NDUFA9: variants seen among roughly 807,000 people sequenced by gnomAD.
NDUFA9 encodes the protein NADH:ubiquinone oxidoreductase subunit A9.
In NDUFA9, 23 loss-of-function variants were observed where a neutral mutation model predicts 45.9. The observed-to-expected ratio is 0.50, with a 90% confidence interval of 0.36 to 0.71. NDUFA9 has a LOEUF of 0.71. NDUFA9 is among the 30% of genes least tolerant of loss of function. NDUFA9 has a pLI of 0.00. For missense variants in NDUFA9, 466 were observed against 488.2 expected (o/e 0.95, Z 0.43); for synonymous variants, 176 against 170.5 (o/e 1.03, Z -0.25).
chr12:4,652,527 C>G (rs1945765660), intron 1 of NDUFA9, among the ~76,000 whole-genome samples: 1 of 152,182 alleles, frequency 6.6e-6, no homozygotes, highest in South Asian at 2.1e-4. Context: ...CTGTGGTCCT[C>G]TGTCCTCTTC....
chr12:4,678,869 T>C (rs1410636265), intron 8 of NDUFA9, among the ~76,000 whole-genome samples: 7 of 152,172 alleles, frequency 4.6e-5, no homozygotes, highest in Admixed American at 4.6e-4. Flanking sequence ...TTTGGCATCT[T>C]CTTAAAAAGT....
intron 9 of NDUFA9, among the ~76,000 whole-genome samples, chr12:4,684,652 C>G (rs1945973495): frequency 6.6e-6 from 1 of 152,166 alleles, no homozygotes; most frequent in African/African-American, 2.4e-5. Context: ...CCTGAGGTAA[C>G]TGATGATGGG....
rs1555137559 is a variant in NDUFA9, at chr12:4,692,236, C to T, written c.*5128C>T. On this transcript the variant is annotated 3_prime_UTR_variant, in exon 11 of 11. Coordinates refer to ENST00000266544, the MANE Select transcript of NDUFA9 (RefSeq NM_005002.5). ...GGGGCCTAGTGGGAGGCGATTAGATCATGGAGTAGATTTATCATGAATGAT... is the reference window on the plus strand; with the variant it reads ...GGGGCCTAGTGGGAGGCGATTAGATTATGGAGTAGATTTATCATGAATGAT... 1.3e-5 allele frequency: 2 copies of T among 152,164 alleles called. No individual in the cohort carries two copies. The highest frequency in any genetic ancestry group is 1.3e-4 in the Admixed American group (2 of 15,272). The allele number at this position is 152,164 out of a possible 1,614,324, so 9.4% of individuals were successfully genotyped here. A position where few individuals can be genotyped will look rare whatever the true frequency, so the allele number is the denominator to read the frequency against.
intron 3 of NDUFA9, chr12:4,655,192 T>G: frequency 2.9e-6 from 1 of 347,556 alleles, no homozygotes; most frequent in Non-Finnish European, 5.2e-6. Context: ...ATTACTCAGC[T>G]CTGCCCTTGT....
rs746534618 is a variant in NDUFA9, at chr12:4,649,195, GC to G, written c.49+21del. The stretch of plus-strand genomic sequence containing the variant: ...TGTCACGTAAGTGTTACCGGGAACG[GC>G]GGCCCCTGGTCGGGATTCCGAGACG... On this transcript the variant is annotated intron_variant, in intron 1 of 10. Coordinates refer to ENST00000266544, the MANE Select transcript of NDUFA9 (RefSeq NM_005002.5). The G allele has an allele frequency of 1.8e-5, 28 of 1,597,426 alleles. No homozygotes were observed. In the South Asian group the frequency reaches 1.9e-4, roughly 11 times the overall value.
intron 8 of NDUFA9, among the ~76,000 whole-genome samples, chr12:4,671,273 A>G (rs2137476864): frequency 6.6e-6 from 1 of 152,306 alleles, no homozygotes; most frequent in South Asian, 2.1e-4. Context: ...ATTACACACA[A>G]CTGTGATGAT....
chr12:4,686,331 C>T (rs1945986267), intron 10 of NDUFA9, among the ~76,000 whole-genome samples: 1 of 151,632 alleles, frequency 6.6e-6, no homozygotes, highest in African/African-American at 2.4e-5. Context: ...AGTTCATTAT[C>T]TTTCCCTATA....
intron 8 of NDUFA9, among the ~76,000 whole-genome samples, chr12:4,676,929 C>T (rs1945923306): frequency 6.6e-6 from 1 of 152,214 alleles, no homozygotes; most frequent in Non-Finnish European, 1.5e-5. Flanking sequence ...ACCAAAACAG[C>T]ACGGTACTGG....
At chr12:4,684,055 A>G (rs1945969485) in intron 9 of NDUFA9, among the ~76,000 whole-genome samples, 1 of 152,222 alleles carries the variant, frequency 6.6e-6, no homozygotes, top group South Asian at 2.1e-4. Flanking sequence ...ATGTATGCCC[A>G]TGACATGGCC....
At chr12:4,668,545 G>T (rs571242168) in intron 7 of NDUFA9, 21 bp downstream of exon 7, 1 of 1,580,806 alleles carries the variant, frequency 6.3e-7, no homozygotes, top group Admixed American at 1.7e-5. Context: ...GGATGAAGGG[G>T]GTCAGAAAGG....
chr12:4,679,184 C>T (rs532259334), intron 8 of NDUFA9, among the ~76,000 whole-genome samples: 52 of 152,224 alleles, frequency 3.4e-4, no homozygotes, highest in African/African-American at 1.2e-3. Context: ...TGTGTGATTC[C>T]GTTTATATGA....
At chr12:4,684,385 G>A (rs1003430986) in intron 9 of NDUFA9, among the ~76,000 whole-genome samples, 1 of 152,178 alleles carries the variant, frequency 6.6e-6, no homozygotes, top group Non-Finnish European at 1.5e-5. Flanking sequence ...GCAGTGATGG[G>A]TGATACTCAA....
chr12:4,670,218 T>G (rs1299735590), intron 8 of NDUFA9, among the ~76,000 whole-genome samples: 1 of 152,170 alleles, frequency 6.6e-6, no homozygotes, highest in Non-Finnish European at 1.5e-5. Flanking sequence ...AAACGGGTGG[T>G]TTATAGCACA....
chr12:4,668,780 A>G, intron 7 of NDUFA9: 2 of 445,430 alleles, frequency 4.5e-6, no homozygotes, highest in East Asian at 4.0e-5. Context: ...AAATAAAGAT[A>G]TTAACTAGAT....
At chr12:4,650,586 T>A (rs1258409526) in intron 1 of NDUFA9, among the ~76,000 whole-genome samples, 2 of 152,226 alleles carry the variant, frequency 1.3e-5, no homozygotes, top group Admixed American at 6.5e-5. Context: ...GCAAGTCTAG[T>A]ATGTAACATA....
rs1450122639 is a variant in NDUFA9, at chr12:4,690,033, A to G, written c.*2925A>G. ...CAGTGTATGGAGGTTGCATATGACA[A>G]GTAACTGGGAGCTGGGCATAAGATC... On this transcript the variant is annotated 3_prime_UTR_variant, in exon 11 of 11. Coordinates refer to ENST00000266544, the MANE Select transcript of NDUFA9 (RefSeq NM_005002.5). 1.3e-5 allele frequency: 2 copies of G among 152,458 alleles called. No individual in the cohort carries two copies. The allele number at this position is 152,458 out of a possible 1,614,324, so 9.4% of individuals were successfully genotyped here. A position where few individuals can be genotyped will look rare whatever the true frequency, so the allele number is the denominator to read the frequency against.
In NDUFA9 at chr12:4,662,624, A is replaced by G. The variant is rs758278017; in HGVS notation, c.644A>G (p.Asn215Ser). ...DIFGREDRFL[N>S]SFASMHRFGP... ...TTTGGAAGAGAGGATAGATTCCTTAATTCTTTTGCAAGTACGTATTCTTTC... is the reference window on the plus strand; with the variant it reads ...TTTGGAAGAGAGGATAGATTCCTTAGTTCTTTTGCAAGTACGTATTCTTTC... The change falls in exon 6 of 11, where the codon AAT becomes AGT. Residue 215 changes from asparagine (N) to serine (S), a missense_variant. By Grantham distance (46) the Asn-to-Ser change is conservative. Transcript: ENST00000266544. The G allele has an allele frequency of 1.9e-6, 3 of 1,612,942 alleles. No individual in the cohort carries two copies. The highest frequency in any genetic ancestry group is 2.5e-6 in the Non-Finnish European group (3 of 1,179,092).
intron 4 of NDUFA9, among the ~76,000 whole-genome samples, 175 bp downstream of exon 4, chr12:4,658,014 A>G (rs1306524636): frequency 6.6e-6 from 1 of 152,212 alleles, no homozygotes; most frequent in African/African-American, 2.4e-5. Context: ...TGTAGCTGAC[A>G]TTAAGTCTGG....
intron 4 of NDUFA9, 92 bp downstream of exon 4, chr12:4,657,931 A>G: frequency 1.0e-6 from 1 of 985,496 alleles, no homozygotes; most frequent in Non-Finnish European, 1.6e-6. Flanking sequence ...CAGCTATCAC[A>G]GTGACATTTT....
Sources: gnomAD v4.1 joint callset for allele counts (sites outside exome capture counted in the v4.1 genomes callset) on GRCh38, gnomAD v4.1.1 for gene constraint, MANE v1.5 for transcripts, NCBI Gene and HGNC (gene_info 2026-07-23, HGNC 2026-07-21) for gene names.